The following WFDC10B variants were observed in gnomAD, a reference collection of about 807,000 sequenced individuals.
WFDC10B encodes the protein WAP four-disulfide core domain 10B.
WFDC10B carries 1 observed loss-of-function variant against 2.7 expected under a neutral mutation model. The ratio of observed to expected loss-of-function variants is 0.38; its 90% CI spans 0.13 to 1.79. The LOEUF is 1.79. Ranked by LOEUF, WFDC10B falls within the 40% of genes most tolerant of loss-of-function variation. The pLI is 0.33. For missense variants in WFDC10B, 71 were observed against 87.8 expected, an observed-to-expected ratio of 0.81 and a Z score of 0.76; for synonymous variants, 26 against 32.2, an observed-to-expected ratio of 0.81 and a Z score of 0.65.
At chr20:45,703,250 T>A (rs1295615315) in intron 2 of WFDC10B, among the ~76,000 whole-genome samples, 1 of 152,178 alleles carries the variant, frequency 6.6e-6, no homozygotes, top group Non-Finnish European at 1.5e-5. Flanking sequence ...AAGTGTGGAT[T>A]AGTTCCAATT....
intron 2 of WFDC10B, among the ~76,000 whole-genome samples, chr20:45,698,754 G>C (rs1568673653): frequency 6.6e-6 from 1 of 152,086 alleles, no homozygotes. Context: ...ATCACCTGAG[G>C]TCAGGAGTCC....
chr20:45,704,718 GC>G (rs1984319920), intron 1 of WFDC10B, 157 bp from the exon 2 acceptor site: 2 of 1,416,472 alleles, frequency 1.4e-6, no homozygotes. Flanking sequence ...TGGCCATGTT[GC>G]CAACATGCCC....
intron 2 of WFDC10B, among the ~76,000 whole-genome samples, chr20:45,699,975 C>A (rs1984100218): frequency 1.3e-5 from 2 of 152,162 alleles, no homozygotes; most frequent in Admixed American, 6.6e-5. Context: ...CCGCACCCAG[C>A]CGTGCATTTA....
chr20:45,704,747 T>C (rs1984321077), intron 1 of WFDC10B, among the ~76,000 whole-genome samples, 171 bp downstream of exon 1: 1 of 151,110 alleles, frequency 6.6e-6, no homozygotes, highest in South Asian at 2.1e-4. Flanking sequence ...TGACCAAGGA[T>C]AATTTCCATA....
chr20:45,700,836 A>C (rs1001056750), intron 2 of WFDC10B, among the ~76,000 whole-genome samples: 2 of 152,232 alleles, frequency 1.3e-5, no homozygotes, highest in African/African-American at 4.8e-5. Context: ...TGAGGCATTA[A>C]AAATGGCATA....
At chr20:45,687,046 T>C (rs1983642579) in intron 2 of WFDC10B, among the ~76,000 whole-genome samples, 1 of 152,192 alleles carries the variant, frequency 6.6e-6, no homozygotes, top group African/African-American at 2.4e-5. Context: ...GGGGTACATG[T>C]GCAGGATGTG....
intron 2 of WFDC10B, among the ~76,000 whole-genome samples, chr20:45,693,713 T>A (rs1226746943): frequency 6.6e-6 from 1 of 152,220 alleles, no homozygotes; most frequent in Non-Finnish European, 1.5e-5. Flanking sequence ...GTGACCCGAT[T>A]TTCCAGGTGC....
intron 2 of WFDC10B, among the ~76,000 whole-genome samples, chr20:45,701,661 C>T (rs189451222): frequency 1.3e-5 from 2 of 151,128 alleles, no homozygotes; most frequent in Admixed American, 1.3e-4. Flanking sequence ...ACTCAGGAGT[C>T]TGAGACACAA....
intron 2 of WFDC10B, among the ~76,000 whole-genome samples, chr20:45,700,129 C>G (rs946052820): frequency 1.3e-5 from 2 of 152,134 alleles, no homozygotes; most frequent in African/African-American, 4.8e-5. Flanking sequence ...ATATAGGAGA[C>G]TGGCTATATG....
chr20:45,703,782 T>C (rs1479231476), intron 2 of WFDC10B, among the ~76,000 whole-genome samples: 1 of 152,166 alleles, frequency 6.6e-6, no homozygotes, highest in African/African-American at 2.4e-5. Context: ...AAGTGGGGCA[T>C]CCTGGTGCTC....
chr20:45,697,241 A>C (rs1441003841), intron 2 of WFDC10B, among the ~76,000 whole-genome samples: 3 of 152,240 alleles, frequency 2.0e-5, no homozygotes, highest in African/African-American at 7.2e-5. Context: ...AAACAATTTG[A>C]TTTACAACAG....
intron 2 of WFDC10B, chr20:45,702,031 CT>C (rs1669724929): frequency 8.2e-7 from 1 of 1,217,608 alleles, no homozygotes; most frequent in Admixed American, 2.1e-5. Context: ...TGGGCCTCCA[CT>C]TTGCCCTCTT....
chr20:45,688,281 A>G (rs1445244585), intron 2 of WFDC10B, among the ~76,000 whole-genome samples: 1 of 151,768 alleles, frequency 6.6e-6, no homozygotes, highest in Non-Finnish European at 1.5e-5. Context: ...TCATTGTTGG[A>G]CATTTGGGTT....
intron 2 of WFDC10B, among the ~76,000 whole-genome samples, chr20:45,695,089 G>A (rs768117180): frequency 3.3e-5 from 5 of 152,128 alleles, no homozygotes; most frequent in African/African-American, 4.8e-5. Flanking sequence ...CCTGAGTTCT[G>A]TGAGCTGTTT....
At chr20:45,702,160 T>G (rs141297049) in intron 2 of WFDC10B, 1,464 of 1,613,416 alleles carry the variant, frequency 9.1e-4, no homozygotes, top group Non-Finnish European at 1.0e-3. Flanking sequence ...CCTGGTGGTG[T>G]TCTGCCTAGC....
chr20:45,697,742 CTTTTTT>C lies in WFDC10B; in HGVS notation c.-65+6749_-65+6754del, dbSNP rs1162470530. ...CAAGTTCCAACAGGTATTTCTTTTT[CTTTTTT>C]TTTTTTTTTTTTTGAGATGGAGTCT... On this transcript the variant is annotated intron_variant, in intron 2 of 3. Transcript: ENST00000330523. Among the ~76,000 whole-genome samples the C allele has an allele frequency of 4.4e-5, 5 of 113,408 alleles. 1 individual carries two copies. In the South Asian group the frequency reaches 8.7e-4, roughly 20 times the overall value. 74.4% of individuals were successfully genotyped at this position (113,408 alleles called of 152,430 possible).
chr20:45,690,011 G>A lies in WFDC10B; in HGVS notation c.-64-3955C>T, dbSNP rs368893798. Reference sequence around the variant, plus strand: ...GATAGCTCTTATTATTTTGAGATACGTCCCATCAATACCTAATTTATTGAG... The same window carrying A: ...GATAGCTCTTATTATTTTGAGATACATCCCATCAATACCTAATTTATTGAG... On this transcript the variant is annotated intron_variant, in intron 2 of 3. Transcript: ENST00000330523. 3.2e-4 allele frequency among the ~76,000 whole-genome samples: 48 copies of A among 152,046 alleles called. No individual in the cohort carries two copies. The South Asian group carries it at 3.9e-3, about 12-fold the overall frequency.
At position 45,684,721 on chromosome 20, in the gene WFDC10B, G is replaced by T. The variant is rs577665042; in HGVS notation, c.*109C>A. 6.2e-6 allele frequency: 9 copies of T among 1,460,686 alleles called. No individual in the cohort carries two copies. In the Admixed American group the frequency reaches 1.7e-4, roughly 28 times the overall value. The allele number at this position is 1,460,686 out of a possible 1,614,324, so 90.5% of individuals were successfully genotyped here. On this transcript the variant is annotated 3_prime_UTR_variant, in exon 4 of 4. Transcript: ENST00000330523. ...AGACACTGGGGAGGGTGGCATTCCTGTTGATGTTCTTGTGCTGATGATTTG... is the reference window on the plus strand; with the variant it reads ...AGACACTGGGGAGGGTGGCATTCCTTTTGATGTTCTTGTGCTGATGATTTG...
chr20:45,687,222 C>T (rs1020864834), intron 2 of WFDC10B, among the ~76,000 whole-genome samples: 9 of 152,074 alleles, frequency 5.9e-5, no homozygotes, highest in Admixed American at 4.6e-4. Flanking sequence ...TTGTTCAGCT[C>T]CCACTTATAA....
Sources: allele counts gnomAD v4.1 joint callset (sites outside exome capture counted in the v4.1 genomes callset), GRCh38; gene constraint gnomAD v4.1.1; transcripts MANE v1.5; gene names NCBI Gene and HGNC (gene_info 2026-07-23, HGNC 2026-07-21).